PPM1L: variants seen among roughly 807,000 people sequenced by gnomAD.
The protein encoded by PPM1L is protein phosphatase, Mg2+/Mn2+ dependent 1L, also known as protein phosphatase 1L.
PPM1L carries 13 observed loss-of-function variants against 31.4 expected under a neutral mutation model. That is an observed-to-expected ratio of 0.41 (90% CI 0.27 to 0.66). The LOEUF is 0.66. Ranked by LOEUF, PPM1L falls within the 30% of genes least tolerant of loss-of-function variation. PPM1L has a pLI of 0.29. For missense variants in PPM1L, 326 were observed against 453.7 expected, an observed-to-expected ratio of 0.72 and a Z score of 2.56; for synonymous variants, 184 against 175.4, an observed-to-expected ratio of 1.05 and a Z score of -0.39.
At chr3:160,820,875 A>T (rs1467412277) in intron 1 of PPM1L, among the ~76,000 whole-genome samples, 1 of 152,108 alleles carries the variant, frequency 6.6e-6, no homozygotes, top group Non-Finnish European at 1.5e-5. Flanking sequence ...TTCCTTGTGT[A>T]CATATGCAAG....
intron 1 of PPM1L, among the ~76,000 whole-genome samples, chr3:160,844,530 A>G (rs1051391971): frequency 1.3e-5 from 2 of 152,124 alleles, no homozygotes; most frequent in Admixed American, 6.6e-5. Flanking sequence ...TTTGCCAGAT[A>G]CCGGTTTGCA....
At chr3:161,020,784 G>GT (rs1169231834) in intron 2 of PPM1L, among the ~76,000 whole-genome samples, 3 of 151,884 alleles carry the variant, frequency 2.0e-5, no homozygotes, top group Admixed American at 6.6e-5. Flanking sequence ...ATCAGTTTGT[G>GT]TTTTTTTAGG....
intron 1 of PPM1L, among the ~76,000 whole-genome samples, chr3:160,898,508 A>G (rs1713423048): frequency 6.6e-6 from 1 of 152,204 alleles, no homozygotes; most frequent in East Asian, 1.9e-4. Context: ...CTAACAAGTT[A>G]TCCAACAAGA....
At chr3:161,043,181 T>C (rs1330956984) in intron 2 of PPM1L, among the ~76,000 whole-genome samples, 1 of 152,056 alleles carries the variant, frequency 6.6e-6, no homozygotes, top group Non-Finnish European at 1.5e-5. Flanking sequence ...AGAAGCTTCA[T>C]TTCTTAGCAG....
intron 1 of PPM1L, among the ~76,000 whole-genome samples, chr3:160,932,682 A>G (rs1311946686): frequency 6.6e-6 from 1 of 152,128 alleles, no homozygotes; most frequent in African/African-American, 2.4e-5. Flanking sequence ...TCCTTAGACC[A>G]AGATTCATGG....
At chr3:160,830,686 G>A (rs112845362) in intron 1 of PPM1L, among the ~76,000 whole-genome samples, 30 of 152,220 alleles carry the variant, frequency 2.0e-4, no homozygotes, top group African/African-American at 6.7e-4. Flanking sequence ...ACCATTGCAC[G>A]TGCTGCAGTG....
At chr3:160,924,810 TATG>T (rs953555046) in intron 1 of PPM1L, among the ~76,000 whole-genome samples, 1 of 152,214 alleles carries the variant, frequency 6.6e-6, no homozygotes, top group African/African-American at 2.4e-5. Flanking sequence ...ATAGGTCAGT[TATG>T]GTACTTTTGC....
chr3:161,001,309 G>A (rs1275385381), intron 2 of PPM1L, among the ~76,000 whole-genome samples: 1 of 152,080 alleles, frequency 6.6e-6, no homozygotes, highest in African/African-American at 2.4e-5. Context: ...TTTTGGGAGA[G>A]TCTCACTCTG....
chr3:160,821,468 A>G (rs9881758), intron 1 of PPM1L, among the ~76,000 whole-genome samples: 2,007 of 152,186 alleles, frequency 0.013, 36 homozygotes, highest in East Asian at 0.066. Flanking sequence ...CATTTTCTCT[A>G]ACGTCGTCAA....
intron 3 of PPM1L, among the ~76,000 whole-genome samples, chr3:161,068,363 G>T (rs1224578813): frequency 6.6e-6 from 1 of 152,068 alleles, no homozygotes; most frequent in Non-Finnish European, 1.5e-5. Context: ...TCCTATTTGG[G>T]GGGACAGAGC....
In PPM1L at chr3:160,923,593, G is replaced by A. The variant is rs939968056; in HGVS notation, c.400-38143G>A. 1.2e-4 allele frequency among the ~76,000 whole-genome samples: 18 copies of A among 152,080 alleles called. 1 individual carries two copies. Among genetic ancestry groups the A allele is most frequent in the Non-Finnish European group, 2.9e-5 (2 of 68,024 alleles). ...TCTCTCACTATTGCTCTCAAATCAC[G>A]TCACATCAAAGAATATTGAAATGGT... On this transcript the variant is annotated intron_variant, in intron 1 of 3. Transcript: ENST00000498165.
chr3:160,765,978 A>G (rs1345100193), intron 1 of PPM1L, among the ~76,000 whole-genome samples: 1 of 152,198 alleles, frequency 6.6e-6, no homozygotes, highest in Admixed American at 6.5e-5. Context: ...GCTACTTAAT[A>G]CATTATTTTC....
At chr3:160,812,641 T>G (rs2108085420) in intron 1 of PPM1L, among the ~76,000 whole-genome samples, 1 of 152,250 alleles carries the variant, frequency 6.6e-6, no homozygotes, top group South Asian at 2.1e-4. Flanking sequence ...ATTCAGTCTA[T>G]GAGAGTCTGC....
intron 1 of PPM1L, among the ~76,000 whole-genome samples, chr3:160,797,396 A>G (rs1041861022): frequency 2.0e-5 from 3 of 152,170 alleles, no homozygotes; most frequent in South Asian, 2.1e-4. Context: ...AGGCCTCCCT[A>G]TTCCCTGAGA....
intron 3 of PPM1L, among the ~76,000 whole-genome samples, chr3:161,067,233 C>A (rs960490376): frequency 6.6e-6 from 1 of 152,218 alleles, no homozygotes; most frequent in African/African-American, 2.4e-5. Flanking sequence ...CTGTCATACC[C>A]ACTACCCACG....
intron 2 of PPM1L, among the ~76,000 whole-genome samples, chr3:161,032,988 C>T (rs1373857146): frequency 1.3e-5 from 2 of 151,396 alleles, no homozygotes; most frequent in Admixed American, 6.6e-5. Flanking sequence ...AGCCACCGCC[C>T]CTGGCCCACA....
intron 2 of PPM1L, among the ~76,000 whole-genome samples, chr3:160,997,524 G>A (rs1208036426): frequency 3.9e-5 from 6 of 152,142 alleles, no homozygotes; most frequent in Non-Finnish European, 8.8e-5. Context: ...ATTTTTTTAC[G>A]AGACTCAGGT....
chr3:160,971,526 G>A (rs1716342838), intron 2 of PPM1L, among the ~76,000 whole-genome samples: 1 of 152,148 alleles, frequency 6.6e-6, no homozygotes, highest in Admixed American at 6.5e-5. Context: ...TATAGGGGAC[G>A]GTAGATGTGC....
In PPM1L at chr3:160,756,395, G is replaced by C. The variant is rs966514799; in HGVS notation, c.87G>C (p.Leu29=). The change falls in exon 1 of 4, where the codon CTG becomes CTC. Residue 29 remains leucine, a synonymous_variant. Transcript: ENST00000498165. This position sits in a 1 kb window ranked among gnomAD's most constrained non-coding sequence, Gnocchi z 6.2. Reference sequence around the variant, plus strand: ...TGAGACCCGAGACGCTTTTCCTGCTGTGCATCAGCTTGGCTCTATGGAGTT... The same window carrying C: ...TGAGACCCGAGACGCTTTTCCTGCTCTGCATCAGCTTGGCTCTATGGAGTT... The part of the protein sequence containing the change: ...FLLRPETLFL[L]CISLALWSYF... 6 of 1,614,114 alleles carry C rather than the reference G, an allele frequency of 3.7e-6. No homozygotes were observed. Among genetic ancestry groups the C allele is most frequent in the Non-Finnish European group, 4.2e-6 (5 of 1,180,052 alleles).
Sources: allele counts gnomAD v4.1 joint callset (sites outside exome capture counted in the v4.1 genomes callset), GRCh38; gene constraint gnomAD v4.1.1; non-coding constraint Gnocchi (gnomAD v3.1); transcripts MANE v1.5; gene names NCBI Gene and HGNC (gene_info 2026-07-23, HGNC 2026-07-21).